The following HPGDS variants were observed in gnomAD, a reference collection of about 807,000 sequenced individuals.
HPGDS encodes the protein hematopoietic prostaglandin D synthase, also known as GST class-sigma.
Under a neutral mutation model 23.1 loss-of-function variants are expected in HPGDS, and 26 were observed. The observed-to-expected ratio is 1.13, with a 90% CI of 0.83 to 1.56. The LOEUF (loss-of-function observed/expected upper bound fraction) is 1.56. HPGDS is among the 40% of genes most tolerant of loss of function. HPGDS has a pLI of 0.00. For synonymous variants in HPGDS, 95 were observed against 77.9 expected (o/e 1.22, Z -1.16); for missense variants, 268 against 236.4 (o/e 1.13, Z -0.88).
At chr4:94,318,098 A>G (rs1756432612) in intron 2 of HPGDS, 133 bp from the exon 3 acceptor site, 1 of 641,338 alleles carries the variant, frequency 1.6e-6, no homozygotes, top group African/African-American at 1.8e-5. Context: ...TTTTAAAGGA[A>G]CACTTGACAA....
At chr4:94,313,766 C>G (rs1483104906) in intron 3 of HPGDS, among the ~76,000 whole-genome samples, 2 of 152,234 alleles carry the variant, frequency 1.3e-5, no homozygotes, top group Admixed American at 6.5e-5. Context: ...CCATCACTTT[C>G]AGGTACACCA....
intron 1 of HPGDS, among the ~76,000 whole-genome samples, chr4:94,340,426 C>G (rs1225126588): frequency 7.1e-6 from 1 of 140,554 alleles, no homozygotes; most frequent in Non-Finnish European, 1.5e-5. Context: ...GCAAGCTCCA[C>G]CTCCCGGGTT....
At chr4:94,341,555 C>T (rs1289237345) in intron 1 of HPGDS, among the ~76,000 whole-genome samples, 3 of 152,186 alleles carry the variant, frequency 2.0e-5, no homozygotes, top group African/African-American at 7.2e-5. Flanking sequence ...ATTGACCATT[C>T]TACAGTTCAA....
chr4:94,329,305 G>T (rs11936526), intron 2 of HPGDS, among the ~76,000 whole-genome samples: 2,473 of 152,202 alleles, frequency 0.016, 56 homozygotes, highest in African/African-American at 0.055. Flanking sequence ...CCTGGTAAAG[G>T]TAGGCTTCAC....
intron 2 of HPGDS, among the ~76,000 whole-genome samples, chr4:94,318,764 G>A (rs1289349057): frequency 2.0e-5 from 3 of 151,860 alleles, no homozygotes. Flanking sequence ...TGAGGCTGGA[G>A]TGCAGTGGTG....
chr4:94,340,311 C>CTTTCTTTTTCTTTTCTT lies in HPGDS; in HGVS notation c.-10+2483_-10+2484insAAGAAAAGAAAAAGAAA. 7.2e-4 allele frequency among the ~76,000 whole-genome samples: 17 copies of CTTTCTTTTTCTTTTCTT among 23,686 alleles called. 2 individuals are homozygous for CTTTCTTTTTCTTTTCTT. The highest frequency in any genetic ancestry group is 9.6e-4 in the Non-Finnish European group (11 of 11,512). 15.5% of individuals were successfully genotyped at this position (23,686 alleles called of 152,430 possible). On this transcript the variant is annotated intron_variant, in intron 1 of 5. Coordinates refer to ENST00000295256, the MANE Select transcript of HPGDS (RefSeq NM_014485.3). ...TTTCTTTCTTTCTTTCTTTCTTTCT[C>CTTTCTTTTTCTTTTCTT]TTTTTTTTTTTTTTTTTTTTTTTTT... is the stretch of plus-strand genomic sequence containing the variant.
chr4:94,310,547 A>G (rs1756243676), intron 3 of HPGDS, among the ~76,000 whole-genome samples: 2 of 152,048 alleles, frequency 1.3e-5, no homozygotes, highest in Admixed American at 6.6e-5. Flanking sequence ...GCCTTGTAGT[A>G]TAGTTTGAAG....
chr4:94,308,084 T>A (rs1191841866), intron 4 of HPGDS, among the ~76,000 whole-genome samples: 5 of 152,160 alleles, frequency 3.3e-5, no homozygotes, highest in Non-Finnish European at 7.4e-5. Flanking sequence ...ATATAGGGGA[T>A]GGGGCCTAAA....
intron 2 of HPGDS, among the ~76,000 whole-genome samples, chr4:94,329,744 G>T (rs542724774): frequency 2.6e-5 from 4 of 152,290 alleles, no homozygotes; most frequent in African/African-American, 9.6e-5. Flanking sequence ...CCCACAACTG[G>T]AACACTGGGC....
chr4:94,318,791 C>G (rs1288842645), intron 2 of HPGDS, among the ~76,000 whole-genome samples: 2 of 152,104 alleles, frequency 1.3e-5, no homozygotes, highest in Non-Finnish European at 2.9e-5. Context: ...CAGCTCACTG[C>G]AACTTCCACC....
chr4:94,302,208 G>T lies in HPGDS; in HGVS notation c.373C>A (p.Pro125Thr), dbSNP rs374171392. The T allele has an allele frequency of 1.7e-5, 28 of 1,612,426 alleles. No homozygotes were observed. Among genetic ancestry groups the T allele is most frequent in the Non-Finnish European group, 2.0e-5 (23 of 1,178,978 alleles). ...MFNELLTYNA[P>T]HLMQDLDTYL... ...GTGTCCAAGTCTTGCATAAGATGAG[G>T]CGCATTATACGTGAGCAGCTCATTG... Residue 125 changes from proline (P) to threonine (T), a missense_variant, in exon 5 of 6, where the codon CCT becomes ACT. Coordinates refer to ENST00000295256, the MANE Select transcript of HPGDS (RefSeq NM_014485.3).
intron 2 of HPGDS, among the ~76,000 whole-genome samples, chr4:94,328,429 G>A (rs976595964): frequency 2.6e-5 from 4 of 152,056 alleles, no homozygotes; most frequent in East Asian, 3.9e-4. Context: ...CACAAATATC[G>A]GACAGACTGA....
rs1426623683 is a variant in HPGDS, at chr4:94,299,623, AG to A, written c.456del (p.Trp153GlyfsTer16). On this transcript the variant is annotated frameshift_variant, in exon 6 of 6. Coordinates refer to ENST00000295256, the MANE Select transcript of HPGDS (RefSeq NM_014485.3). LOFTEE classifies it high-confidence loss of function. The stretch of plus-strand genomic sequence containing the variant: ...AAAAGTGTGGTACTGCAAATCTCCC[AG>A]TAGAAGTCTGCCCAAGTTACCTAGT... ...IGNSVTWADF[Y>X]WEICSTTLLV... 1.5e-5 allele frequency: 25 copies of A among 1,613,908 alleles called. No individual in the cohort carries two copies. The highest frequency in any genetic ancestry group is 2.0e-5 in the Non-Finnish European group (24 of 1,179,928).
chr4:94,328,224 G>A (rs959799181), intron 2 of HPGDS, among the ~76,000 whole-genome samples: 1 of 152,202 alleles, frequency 6.6e-6, no homozygotes. Context: ...GTGCCTCAGA[G>A]GTTTCCCATC....
At chr4:94,318,927 G>C (rs982542815) in intron 2 of HPGDS, among the ~76,000 whole-genome samples, 3 of 152,096 alleles carry the variant, frequency 2.0e-5, no homozygotes, top group African/African-American at 7.2e-5. Flanking sequence ...TGGCCAGGCC[G>C]GTCTTGAATT....
chr4:94,340,314 T>TCA (rs1560598045), intron 1 of HPGDS, among the ~76,000 whole-genome samples: 1 of 11,086 alleles, frequency 9.0e-5, no homozygotes, highest in African/African-American at 4.4e-4. Context: ...TCTTTCTCTT[T>TCA]TTTTTTTTTT....
chr4:94,309,188 G>A (rs911800504), intron 3 of HPGDS, among the ~76,000 whole-genome samples: 1 of 149,624 alleles, frequency 6.7e-6, no homozygotes, highest in Non-Finnish European at 1.5e-5. Context: ...TGTTACATAT[G>A]TATACATGTG....
intron 3 of HPGDS, among the ~76,000 whole-genome samples, chr4:94,317,173 G>T (rs1756413484): frequency 6.6e-6 from 1 of 152,130 alleles, no homozygotes; most frequent in South Asian, 2.1e-4. Flanking sequence ...TCAGAGAATG[G>T]TGATTCTACA....
At chr4:94,342,244 A>C (rs1257857214) in intron 1 of HPGDS, among the ~76,000 whole-genome samples, 1 of 152,094 alleles carries the variant, frequency 6.6e-6, no homozygotes, top group Non-Finnish European at 1.5e-5. Context: ...GGGAGCTGTG[A>C]GTTGAAATTC....
Sources: allele counts gnomAD v4.1 joint callset (sites outside exome capture counted in the v4.1 genomes callset), GRCh38; gene constraint gnomAD v4.1.1; transcripts MANE v1.5; gene names NCBI Gene and HGNC (gene_info 2026-07-23, HGNC 2026-07-21).